The following AP2A2 variants were observed in gnomAD, a reference collection of about 807,000 sequenced individuals.
AP2A2 encodes adaptor related protein complex 2 subunit alpha 2.
AP2A2 carries 32 observed loss-of-function variants against 104.2 expected under a neutral mutation model. That is an observed-to-expected ratio of 0.31 (90% CI 0.23 to 0.41). AP2A2 has a LOEUF of 0.41. Among genes scored for constraint, AP2A2 ranks in the 10% least tolerant of loss-of-function variants. The pLI, the probability that AP2A2 is intolerant of heterozygous loss-of-function variation, is 1.00. For missense variants in AP2A2, 912 were observed against 1,261.0 expected (o/e 0.72, Z 4.19); for synonymous variants, 539 against 533.3 (o/e 1.01, Z -0.15).
chr11:962,357 G>C (rs117364724), intron 2 of AP2A2, among the ~76,000 whole-genome samples: 1 of 152,214 alleles, frequency 6.6e-6, no homozygotes, highest in African/African-American at 2.4e-5. Flanking sequence ...GATGAAATTC[G>C]AATGGGAGGT....
chr11:972,078 CTG>C lies in AP2A2; in HGVS notation c.300_301del (p.Leu101GlyfsTer6). 6.2e-7 allele frequency: 1 copy of C among 1,613,412 alleles called. No homozygotes were observed. Among genetic ancestry groups the C allele is most frequent in the Non-Finnish European group, 8.5e-7 (1 of 1,179,644 alleles). On this transcript the variant is annotated frameshift_variant, in exon 4 of 22. Transcript: ENST00000448903. LOFTEE classifies it high-confidence loss of function. Reference sequence around the variant, plus strand: ...GGAACGCAGGGCTACCTTTTCATCTCTGTGTTGGTGAACTCAAACAGTGAGCT... The same window carrying C: ...GGAACGCAGGGCTACCTTTTCATCTCTGTTGGTGAACTCAAACAGTGAGCT...
intron 15 of AP2A2, 65 bp from the exon 16 acceptor site, chr11:1,003,657 G>GAAC: frequency 8.7e-7 from 1 of 1,146,634 alleles, no homozygotes; most frequent in Non-Finnish European, 1.2e-6. Flanking sequence ...TTTTTTTCCA[G>GAAC]AACAAACCCT....
chr11:995,824 C>T (rs933187869), intron 14 of AP2A2, among the ~76,000 whole-genome samples: 5 of 143,012 alleles, frequency 3.5e-5, no homozygotes, highest in Admixed American at 7.0e-5. Flanking sequence ...GTTTGTGGCA[C>T]GCTGCTGTGC....
At chr11:967,964 G>A (rs1854679417) in intron 2 of AP2A2, among the ~76,000 whole-genome samples, 1 of 152,180 alleles carries the variant, frequency 6.6e-6, no homozygotes, top group Non-Finnish European at 1.5e-5. Flanking sequence ...CCAGCATTTT[G>A]AAGACTGTAT....
At chr11:985,161 T>C (rs935451183) in intron 7 of AP2A2, among the ~76,000 whole-genome samples, 1 of 152,134 alleles carries the variant, frequency 6.6e-6, no homozygotes, top group Non-Finnish European at 1.5e-5. Flanking sequence ...CTTTTGCGTT[T>C]TTGTAGAGAC....
chr11:955,416 T>C (rs1267042598), intron 1 of AP2A2, among the ~76,000 whole-genome samples: 1 of 152,266 alleles, frequency 6.6e-6, no homozygotes, highest in African/African-American at 2.4e-5. Flanking sequence ...TCCTGCTTTC[T>C]TGTGGAGCCG....
At chr11:938,339 C>T (rs1288072226) in intron 1 of AP2A2, among the ~76,000 whole-genome samples, 1 of 152,162 alleles carries the variant, frequency 6.6e-6, no homozygotes, top group Non-Finnish European at 1.5e-5. Context: ...TCCCGTTAAC[C>T]CCTTGTAGTT....
intron 1 of AP2A2, among the ~76,000 whole-genome samples, chr11:926,342 G>T: frequency 6.8e-6 from 1 of 147,578 alleles, no homozygotes; most frequent in African/African-American, 2.5e-5. Flanking sequence ...GGGTATGGGG[G>T]TGCGGGTCAG....
Position 968,128 on chromosome 11 carries a change from A to G in AP2A2, c.137-2041A>G, listed in dbSNP as rs559312566. On this transcript the variant is annotated intron_variant, in intron 2 of 21. Coordinates refer to ENST00000448903, the MANE Select transcript of AP2A2 (RefSeq NM_012305.4). This position sits in a 1 kb window ranked among gnomAD's most constrained non-coding sequence, Gnocchi z 4.2. ...TGGCCCTGGGTTAGGCCAGGAATCCACGTGCTGCCACATGAGCAGCGGGCC... is the reference window on the plus strand; with the variant it reads ...TGGCCCTGGGTTAGGCCAGGAATCCGCGTGCTGCCACATGAGCAGCGGGCC... 1.3e-5 allele frequency among the ~76,000 whole-genome samples: 2 copies of G among 151,820 alleles called. No individual in the cohort carries two copies. Among genetic ancestry groups the G allele is most frequent in the South Asian group, 4.2e-4 (2 of 4,816 alleles).
chr11:926,064 G>A lies in AP2A2; in HGVS notation c.43G>A (p.Val15Ile). The change falls in exon 1 of 22, where the codon GTC becomes ATC. Residue 15 changes from valine (V) to isoleucine (I), a missense_variant. Around this residue, in one of 7 missense-constraint regions of AP2A2, gnomAD observed 43 missense variants for 47.0 expected, o/e 0.91. Coordinates refer to ENST00000448903, the MANE Select transcript of AP2A2 (RefSeq NM_012305.4). ...SKGDGMRGLA[V>I]FISDIRNCKS... ...GGGGGACGGGATGCGGGGCCTGGCG[G>A]TCTTCATCTCGGATATCCGCAACTG... The A allele has an allele frequency of 7.3e-7, 1 of 1,375,902 alleles. No individual in the cohort carries two copies. Among genetic ancestry groups the A allele is most frequent in the Non-Finnish European group, 9.5e-7 (1 of 1,054,096 alleles). 85.2% of individuals were successfully genotyped at this position (1,375,902 alleles called of 1,614,324 possible). A position where few individuals can be genotyped will look rare whatever the true frequency, so the allele number is the denominator to read the frequency against.
chr11:971,399 AG>A (rs2134624140), intron 3 of AP2A2, among the ~76,000 whole-genome samples: 1 of 152,292 alleles, frequency 6.6e-6, no homozygotes, highest in South Asian at 2.1e-4. Context: ...GGTGTTTGGC[AG>A]GGCGGGAGCT....
Position 992,357 on chromosome 11 carries a change from A to G in AP2A2, c.1270-146A>G, listed in dbSNP as rs940822937. The G allele has an allele frequency of 1.8e-5, 14 of 796,128 alleles. No individual in the cohort carries two copies. Among genetic ancestry groups the G allele is most frequent in the Admixed American group, 1.4e-4 (6 of 43,802 alleles). The allele number at this position is 796,128 out of a possible 1,614,324, so 49.3% of individuals were successfully genotyped here. A position where few individuals can be genotyped will look rare whatever the true frequency, so the allele number is the denominator to read the frequency against. ...TCTGGGCTCGTGGGCTTTTTTGAGA[A>G]TCGAGTTCAAGCTTCCTCCATGTCC... On this transcript the variant is annotated intron_variant, in intron 10 of 21. Coordinates refer to ENST00000448903, the MANE Select transcript of AP2A2 (RefSeq NM_012305.4). The surrounding 1 kb of genome is among the most constrained non-coding windows in gnomAD (Gnocchi z 6.4).
At chr11:1,003,446 G>T (rs1348651140) in intron 15 of AP2A2, among the ~76,000 whole-genome samples, 1 of 152,250 alleles carries the variant, frequency 6.6e-6, no homozygotes, top group South Asian at 2.1e-4. Flanking sequence ...GTGAGAGGCC[G>T]TTACATGTGG....
At chr11:984,304 G>A (rs1022440160) in intron 6 of AP2A2, among the ~76,000 whole-genome samples, 1 of 152,092 alleles carries the variant, frequency 6.6e-6, no homozygotes, top group African/African-American at 2.4e-5. Context: ...TTCTGGGGGT[G>A]GGGGTGCTTC....
In AP2A2 at chr11:1,009,448, C is replaced by T. The variant is rs1019466103; in HGVS notation, c.2607+51C>T. 4.2e-5 allele frequency: 64 copies of T among 1,524,558 alleles called. 1 individual carries two copies. In the Middle Eastern group the frequency reaches 3.3e-3, roughly 78 times the overall value. 94.4% of individuals were successfully genotyped at this position (1,524,558 alleles called of 1,614,324 possible). On this transcript the variant is annotated intron_variant, in intron 20 of 21. Coordinates refer to ENST00000448903, the MANE Select transcript of AP2A2 (RefSeq NM_012305.4). ...GGGGGACACGCAGCCCGTGACCCCG[C>T]GCCAGGGTCTGGAGGGACGGCCCCG...
Position 926,063 on chromosome 11 carries a change from G to A in AP2A2, c.42G>A (p.Ala14=). The A allele has an allele frequency of 5.8e-6, 8 of 1,376,814 alleles. No homozygotes were observed. The highest frequency in any genetic ancestry group is 1.8e-5 in the South Asian group (1 of 56,748). The allele number at this position is 1,376,814 out of a possible 1,614,324, so 85.3% of individuals were successfully genotyped here. The stretch of plus-strand genomic sequence containing the variant: ...AGGGGGACGGGATGCGGGGCCTGGC[G>A]GTCTTCATCTCGGATATCCGCAACT... ...VSKGDGMRGL[A]VFISDIRNCK... The change falls in exon 1 of 22, where the codon GCG becomes GCA. Residue 14 remains alanine, a synonymous_variant. Transcript: ENST00000448903.
rs556690025 is a variant in AP2A2, at chr11:986,411, C to T, written c.963-374C>T. Among the ~76,000 whole-genome samples, 3 of 152,348 alleles carry T rather than the reference C, an allele frequency of 2.0e-5. No individual in the cohort carries two copies. The South Asian group carries it at 6.2e-4, about 32-fold the overall frequency. On this transcript the variant is annotated intron_variant, in intron 8 of 21. Transcript: ENST00000448903. ...AGTGGGGCAGCAGCCGCGCTCCCGG[C>T]CTTCTCGGCCTTCTCCCTGCCCTGG... is the stretch of plus-strand genomic sequence containing the variant.
At chr11:949,980 C>T (rs904388680) in intron 1 of AP2A2, among the ~76,000 whole-genome samples, 6 of 151,966 alleles carry the variant, frequency 3.9e-5, no homozygotes, top group South Asian at 2.1e-4. Context: ...AAACTTAATA[C>T]ACAAATGATT....
chr11:973,454 C>A (rs1564801961), intron 4 of AP2A2, among the ~76,000 whole-genome samples: 1 of 152,150 alleles, frequency 6.6e-6, no homozygotes, highest in Non-Finnish European at 1.5e-5. Context: ...AGAGAGACCG[C>A]AGCATAACCA....
Sources: allele counts gnomAD v4.1 joint callset (sites outside exome capture counted in the v4.1 genomes callset), GRCh38; gene constraint gnomAD v4.1.1; regional missense constraint gnomAD v4.1.1; non-coding constraint Gnocchi (gnomAD v3.1); transcripts MANE v1.5; gene names NCBI Gene and HGNC (gene_info 2026-07-23, HGNC 2026-07-21).